ANO1: variants seen among roughly 807,000 people sequenced by gnomAD.
The protein encoded by ANO1 is anoctamin 1, also known as anoctamin-1.
Under a neutral mutation model 124.0 loss-of-function variants are expected in ANO1, and 59 were observed. That is an observed-to-expected ratio of 0.48 (90% CI 0.39 to 0.59). The LOEUF is 0.59. ANO1 is among the 20% of genes least tolerant of loss of function. The probability of loss-of-function intolerance (pLI) is 0.00; values close to 1 mark genes in which losing one functional copy is unlikely to be tolerated. For synonymous variants in ANO1, 529 were observed against 532.0 expected (o/e 0.99, Z 0.08); for missense variants, 1,059 against 1,328.0 (o/e 0.80, Z 3.15).
intron 10 of ANO1, among the ~76,000 whole-genome samples, chr11:70,129,077 G>A (rs755926050): frequency 7.2e-5 from 11 of 152,194 alleles, no homozygotes; most frequent in Non-Finnish European, 1.2e-4. Flanking sequence ...AACTGGGGAC[G>A]TCCTGCCCCC....
At chr11:70,134,794 A>G (rs2046890664) in intron 11 of ANO1, among the ~76,000 whole-genome samples, 1 of 152,158 alleles carries the variant, frequency 6.6e-6, no homozygotes, top group Non-Finnish European at 1.5e-5. Flanking sequence ...AGCAAACCTG[A>G]TGTATCCGCT....
chr11:70,010,179 G>GTATGTGTGTTTATATATATATATATA, intron 1 of ANO1, among the ~76,000 whole-genome samples: 1 of 83,776 alleles, frequency 1.2e-5, no homozygotes, highest in Non-Finnish European at 2.4e-5. Flanking sequence ...GTGTGTGTGT[G>GTATGTGTGTTTATATATATATATATA]TATATATATA....
At chr11:70,038,314 G>T (rs1419707199) in intron 1 of ANO1, among the ~76,000 whole-genome samples, 1 of 152,122 alleles carries the variant, frequency 6.6e-6, no homozygotes, top group Admixed American at 6.5e-5. Flanking sequence ...ATTTAGAAAA[G>T]TTTCAAGCTG....
upstream of ANO1, among the ~76,000 whole-genome samples, chr11:69,985,190 G>A (rs1856012808): frequency 1.3e-5 from 2 of 152,228 alleles, no homozygotes; most frequent in African/African-American, 2.4e-5. Context: ...TCCCTGCCTC[G>A]TCCCTGGATG....
At chr11:69,991,147 C>T (rs551026376) in intron 1 of ANO1, among the ~76,000 whole-genome samples, 5 of 152,228 alleles carry the variant, frequency 3.3e-5, no homozygotes, top group East Asian at 1.9e-4. Flanking sequence ...ATGTGGAGTA[C>T]GCTAGAGAGC....
chr11:70,103,353 C>T (rs546984107), intron 3 of ANO1, among the ~76,000 whole-genome samples, 189 bp downstream of exon 3: 29 of 152,114 alleles, frequency 1.9e-4, no homozygotes, highest in African/African-American at 5.5e-4. Flanking sequence ...GGGTCCTGAC[C>T]GTGGTGAATA....
At chr11:70,001,428 C>T (rs1016098200) in intron 1 of ANO1, among the ~76,000 whole-genome samples, 1 of 152,180 alleles carries the variant, frequency 6.6e-6, no homozygotes, top group African/African-American at 2.4e-5. Flanking sequence ...CAGGGCCTGT[C>T]CACACTCAGA....
intron 1 of ANO1, among the ~76,000 whole-genome samples, chr11:70,059,280 G>C (rs1555007382): frequency 6.6e-6 from 1 of 150,526 alleles, no homozygotes; most frequent in African/African-American, 2.4e-5. Context: ...GAACCTGGGA[G>C]GTGGAGCTTG....
rs1437742579 is a variant in ANO1 at position 70,161,231 on chromosome 11, T to C, written c.1649T>C (p.Met550Thr). The C allele has an allele frequency of 6.2e-7, 1 of 1,613,930 alleles. No individual in the cohort carries two copies. The highest frequency in any genetic ancestry group is 1.1e-5 in the South Asian group (1 of 91,084). Residue 550 changes from methionine to threonine, a missense_variant, in exon 17 of 26, where the codon ATG (methionine) becomes ACG (threonine). Around this residue, in one of 2 missense-constraint regions of ANO1, gnomAD observed 809 missense variants for 1,094.9 expected, o/e 0.74. Coordinates refer to ENST00000355303, the MANE Select transcript of ANO1 (RefSeq NM_018043.7). ...YRISMAAALAMNSSPSVRSNI... is the reference protein window; with the variant it reads ...YRISMAAALATNSSPSVRSNI... Reference sequence around the variant, plus strand: ...ATCTCCATGGCCGCCGCCTTGGCCATGAACTCCTCCCCCTCCGTGCGGTCC... The same window carrying C: ...ATCTCCATGGCCGCCGCCTTGGCCACGAACTCCTCCCCCTCCGTGCGGTCC...
At chr11:69,981,668 C>T (rs1301867500), upstream of ANO1, among the ~76,000 whole-genome samples, 1 of 152,180 alleles carries the variant, frequency 6.6e-6, no homozygotes, top group African/African-American at 2.4e-5. Context: ...TGCCTCCAGC[C>T]CTCCTCTCCC....
chr11:70,124,227 T>A, intron 8 of ANO1, 123 bp from the exon 9 acceptor site: 1 of 876,430 alleles, frequency 1.1e-6, no homozygotes, highest in South Asian at 1.5e-5. Flanking sequence ...CAGCCCACTC[T>A]CAAGAAGTGT....
At chr11:70,098,518 C>A (rs76485832) in intron 2 of ANO1, among the ~76,000 whole-genome samples, 15,520 of 152,210 alleles carry the variant, frequency 0.1, 1,011 homozygotes, top group Middle Eastern at 0.18. Flanking sequence ...CTCCAGCACC[C>A]CGACGCCATG....
At chr11:70,066,589 G>T (rs1857725907) in intron 1 of ANO1, among the ~76,000 whole-genome samples, 1 of 151,556 alleles carries the variant, frequency 6.6e-6, no homozygotes, top group African/African-American at 2.4e-5. Flanking sequence ...GCAATGTGTT[G>T]AGGGCACATG....
chr11:70,156,045 C>T (rs2047803319), intron 15 of ANO1, 57 bp downstream of exon 15: 2 of 1,398,714 alleles, frequency 1.4e-6, no homozygotes, highest in African/African-American at 1.5e-5. Flanking sequence ...CAATCAAAGT[C>T]GATTGTGTTT....
chr11:70,004,408 C>T (rs566373332), intron 1 of ANO1, among the ~76,000 whole-genome samples: 2 of 152,332 alleles, frequency 1.3e-5, no homozygotes, highest in African/African-American at 2.4e-5. Context: ...TTACAGGGAC[C>T]ATCTCATGAC....
chr11:70,044,072 A>G (rs1857221754), intron 1 of ANO1, among the ~76,000 whole-genome samples: 1 of 152,002 alleles, frequency 6.6e-6, no homozygotes, highest in African/African-American at 2.4e-5. Context: ...ATGGAAGTAT[A>G]TTGTTGAAAG....
chr11:70,095,711 G>T (rs1174758585), intron 2 of ANO1, among the ~76,000 whole-genome samples: 1 of 152,238 alleles, frequency 6.6e-6, no homozygotes, highest in Non-Finnish European at 1.5e-5. Flanking sequence ...GGAATTGGCA[G>T]ATGCTGCAAA....
At chr11:70,005,676 A>G (rs2120353204) in intron 1 of ANO1, among the ~76,000 whole-genome samples, 1 of 152,290 alleles carries the variant, frequency 6.6e-6, no homozygotes, top group Non-Finnish European at 1.5e-5. Flanking sequence ...TTCACAAGTG[A>G]GTTGACCAAT....
intron 1 of ANO1, among the ~76,000 whole-genome samples, chr11:70,022,901 A>G (rs1243888523): frequency 2.6e-5 from 4 of 152,146 alleles, no homozygotes; most frequent in Non-Finnish European, 5.9e-5. Context: ...GCTTATAAGT[A>G]AGAGGAGGCA....
Sources: allele counts gnomAD v4.1 joint callset (sites outside exome capture counted in the v4.1 genomes callset), GRCh38; gene constraint gnomAD v4.1.1; regional missense constraint gnomAD v4.1.1; transcripts MANE v1.5; gene names NCBI Gene and HGNC (gene_info 2026-07-23, HGNC 2026-07-21).